ARHGAP26: variants seen among roughly 807,000 people sequenced by gnomAD.
ARHGAP26 encodes the protein Rho GTPase activating protein 26, also known as rho GTPase-activating protein 26.
A neutral mutation model predicts 104.8 loss-of-function variants in ARHGAP26; 38 were observed. The ratio of observed to expected loss-of-function variants is 0.36; its 90% confidence interval spans 0.28 to 0.48. ARHGAP26 has a LOEUF of 0.48. ARHGAP26 is among the 20% of genes least tolerant of loss of function. The probability of loss-of-function intolerance (pLI) is 0.99; values close to 1 mark genes in which losing one functional copy is unlikely to be tolerated. For synonymous variants in ARHGAP26, 341 were observed against 340.0 expected, an observed-to-expected ratio of 1.00 and a Z score of -0.03; for missense variants, 704 against 947.9, an observed-to-expected ratio of 0.74 and a Z score of 3.38.
intron 1 of ARHGAP26, among the ~76,000 whole-genome samples, chr5:142,816,113 A>G (rs140345117): frequency 1.3e-5 from 2 of 152,224 alleles, no homozygotes; most frequent in Non-Finnish European, 2.9e-5. Flanking sequence ...GTGCTTCTGT[A>G]GGACTCTGAT....
At chr5:143,058,603 C>T (rs116232609) in intron 17 of ARHGAP26, among the ~76,000 whole-genome samples, 5 of 152,236 alleles carry the variant, frequency 3.3e-5, no homozygotes, top group African/African-American at 9.6e-5. Flanking sequence ...TTATTAAACC[C>T]TACATTCTAT....
intron 14 of ARHGAP26, among the ~76,000 whole-genome samples, chr5:143,042,175 G>A (rs1598764843): frequency 6.6e-6 from 1 of 152,236 alleles, no homozygotes; most frequent in African/African-American, 2.4e-5. Flanking sequence ...AGTCACTCAT[G>A]TGACCACCAC....
intron 1 of ARHGAP26, among the ~76,000 whole-genome samples, chr5:142,841,313 T>C (rs1406259555): frequency 6.6e-6 from 1 of 152,172 alleles, no homozygotes; most frequent in African/African-American, 2.4e-5. Flanking sequence ...AGTGTCAAGA[T>C]CTGTCCCTGA....
intron 1 of ARHGAP26, among the ~76,000 whole-genome samples, chr5:142,807,868 G>C (rs1763276160): frequency 6.6e-6 from 1 of 152,156 alleles, no homozygotes; most frequent in African/African-American, 2.4e-5. Flanking sequence ...TTTTAATGCT[G>C]TGTCATCTCT....
At chr5:143,070,586 A>G (rs571993972) in intron 17 of ARHGAP26, among the ~76,000 whole-genome samples, 60 of 152,360 alleles carry the variant, frequency 3.9e-4, no homozygotes, top group African/African-American at 1.3e-3. Flanking sequence ...ACCCAAAGCA[A>G]TCTACAGATT....
chr5:142,913,779 G>A (rs1762139097), intron 10 of ARHGAP26, among the ~76,000 whole-genome samples: 2 of 152,140 alleles, frequency 1.3e-5, no homozygotes, highest in African/African-American at 2.4e-5. Flanking sequence ...CAGTGTGTGT[G>A]CGTGCCCAGG....
At chr5:143,196,262 C>T (rs1806813947) in intron 20 of ARHGAP26, among the ~76,000 whole-genome samples, 1 of 152,076 alleles carries the variant, frequency 6.6e-6, no homozygotes, top group Non-Finnish European at 1.5e-5. Flanking sequence ...CCTCTTCTTC[C>T]CCACAAGGGC....
chr5:143,136,104 C>G (rs1156577279), intron 19 of ARHGAP26, among the ~76,000 whole-genome samples: 1 of 152,200 alleles, frequency 6.6e-6, no homozygotes, highest in East Asian at 1.9e-4. Context: ...ATTCCCTAAG[C>G]TTAAAATAGT....
chr5:143,024,708 A>G (rs1477480955), intron 12 of ARHGAP26, among the ~76,000 whole-genome samples: 1 of 152,182 alleles, frequency 6.6e-6, no homozygotes, highest in East Asian at 1.9e-4. Context: ...AGATACTATT[A>G]TTGACCCCAT....
chr5:142,786,938 T>C (rs1360503736), intron 1 of ARHGAP26, among the ~76,000 whole-genome samples: 1 of 152,118 alleles, frequency 6.6e-6, no homozygotes, highest in Non-Finnish European at 1.5e-5. Flanking sequence ...AGCCACTGCG[T>C]CCGGCTTGGA....
Position 142,771,470 on chromosome 5 carries a change from T to TG in ARHGAP26, c.154+557dup, listed in dbSNP as rs1263522765. 6.8e-6 allele frequency: 8 copies of TG among 1,168,670 alleles called. No individual in the cohort carries two copies. The African/African-American group carries it at 1.3e-4, about 19-fold the overall frequency. 72.4% of individuals were successfully genotyped at this position (1,168,670 alleles called of 1,614,324 possible). A position where few individuals can be genotyped will look rare whatever the true frequency, so the allele number is the denominator to read the frequency against. ...AATGCTTGGTTAGCTTGCGATTCCTTGGAGTATTGGCAGCCAGTAATCTCT... is the reference window on the plus strand; with the variant it reads ...AATGCTTGGTTAGCTTGCGATTCCTTGGGAGTATTGGCAGCCAGTAATCTCT... On this transcript the variant is annotated intron_variant, in intron 1 of 22. Transcript: ENST00000645722.
At chr5:142,847,080 C>T (rs967680276) in intron 1 of ARHGAP26, among the ~76,000 whole-genome samples, 5 of 152,004 alleles carry the variant, frequency 3.3e-5, no homozygotes, top group African/African-American at 4.8e-5. Context: ...TCTCGGTGCA[C>T]CTTGGGCAAA....
At chr5:142,994,823 G>A (rs1021375517) in intron 11 of ARHGAP26, among the ~76,000 whole-genome samples, 1 of 152,176 alleles carries the variant, frequency 6.6e-6, no homozygotes. Flanking sequence ...TATGTGGTAT[G>A]CTCTCCATTT....
intron 17 of ARHGAP26, among the ~76,000 whole-genome samples, chr5:143,093,945 C>T (rs769955660): frequency 5.9e-5 from 9 of 152,154 alleles, no homozygotes; most frequent in Non-Finnish European, 1.0e-4. Context: ...TGAGGTTCAA[C>T]GCACCCCATG....
intron 12 of ARHGAP26, among the ~76,000 whole-genome samples, chr5:143,023,715 G>A (rs2152840791): frequency 6.6e-6 from 1 of 152,292 alleles, no homozygotes; most frequent in Non-Finnish European, 1.5e-5. Flanking sequence ...AGGGTGGAAG[G>A]CATTAATGGG....
rs559322997 is a variant in ARHGAP26, at chr5:143,128,951, C to T, written c.1699-5016C>T. Among the ~76,000 whole-genome samples, 14 of 152,306 alleles carry T rather than the reference C, an allele frequency of 9.2e-5. No individual in the cohort carries two copies. The South Asian group carries it at 2.9e-3, about 32-fold the overall frequency. ...ACAGCACATAATAAAGAGTACACCA[C>T]ACACATTACAGGGAGACTCCTAATC... On this transcript the variant is annotated intron_variant, in intron 18 of 22. Coordinates refer to ENST00000645722, the MANE Select transcript of ARHGAP26 (RefSeq NM_001135608.3).
At chr5:142,812,875 A>T (rs577051582) in intron 1 of ARHGAP26, among the ~76,000 whole-genome samples, 1 of 151,814 alleles carries the variant, frequency 6.6e-6, no homozygotes, top group Non-Finnish European at 1.5e-5. Context: ...CTTAGCAATC[A>T]ATTATCTGTG....
At chr5:142,954,003 G>A (rs3776390) in intron 11 of ARHGAP26, among the ~76,000 whole-genome samples, 16,773 of 152,166 alleles carry the variant, frequency 0.11, 2,526 homozygotes, top group African/African-American at 0.34. Context: ...CAAGGGACAA[G>A]TTTCCCCATT....
Position 143,107,059 on chromosome 5 carries a change from A to T in ARHGAP26, c.1539-13929A>T, listed in dbSNP as rs554733038. Among the ~76,000 whole-genome samples, 8 of 152,178 alleles carry T rather than the reference A, an allele frequency of 5.3e-5. No homozygotes were observed. The East Asian group carries it at 5.8e-4, about 11-fold the overall frequency. ...ATTTTTACTGATGTATCTGTGTGTT[A>T]TTTGCCGTCGGAATGAAAGCAGGGA... On this transcript the variant is annotated intron_variant, in intron 17 of 22. Transcript: ENST00000645722.
Sources: allele counts gnomAD v4.1 joint callset (sites outside exome capture counted in the v4.1 genomes callset), GRCh38; gene constraint gnomAD v4.1.1; transcripts MANE v1.5; gene names NCBI Gene and HGNC (gene_info 2026-07-23, HGNC 2026-07-21).